The following DNAAF10 variants were observed in gnomAD, a reference collection of about 807,000 sequenced individuals.
The protein encoded by DNAAF10 is dynein axonemal assembly factor 10.
Under a neutral mutation model 43.7 loss-of-function variants are expected in DNAAF10, and 28 were observed. The ratio of observed to expected loss-of-function variants is 0.64; its 90% CI spans 0.48 to 0.88. DNAAF10 has a LOEUF of 0.88. DNAAF10 is among the 40% of genes least tolerant of loss of function. The probability of loss-of-function intolerance (pLI) is 0.00; values close to 1 mark genes in which losing one functional copy is unlikely to be tolerated. For synonymous variants in DNAAF10, 156 were observed against 157.3 expected (o/e 0.99, Z 0.06); for missense variants, 403 against 439.1 (o/e 0.92, Z 0.73).
intron 2 of DNAAF10, 148 bp downstream of exon 2, chr2:68,147,319 A>G (rs1673341352): frequency 1.8e-6 from 1 of 570,790 alleles, no homozygotes; most frequent in Non-Finnish European, 3.0e-6. Context: ...CTAGAAATAT[A>G]TATTAGAGAC....
intron 7 of DNAAF10, chr2:68,134,201 G>A (rs558129369): frequency 5.5e-5 from 54 of 986,544 alleles, no homozygotes; most frequent in Middle Eastern, 5.2e-4. Flanking sequence ...TGATGTTAGC[G>A]CCCTTGGGAT....
Position 68,157,351 on chromosome 2 carries a change from G to C in DNAAF10, c.93C>G (p.Ala31=). The C allele has an allele frequency of 1.2e-6, 2 of 1,614,202 alleles. No individual in the cohort carries two copies. Among genetic ancestry groups the C allele is most frequent in the Non-Finnish European group, 1.7e-6 (2 of 1,180,034 alleles). ...CGAAGTTGCCCATGGTCACAAATTT[G>C]GCGCTGCAGGGCACCCACTTACAGT... ...VFDCKWVPCS[A]KFVTMGNFAR... is the part of the protein sequence containing the mutation. The change falls in exon 1 of 8, where the codon GCC becomes GCG. Residue 31 remains alanine, a synonymous_variant. Coordinates refer to ENST00000295121, the MANE Select transcript of DNAAF10 (RefSeq NM_138458.4).
intron 7 of DNAAF10, chr2:68,134,058 ATAAAG>A (rs1439273718): frequency 6.8e-6 from 6 of 883,536 alleles, no homozygotes; most frequent in Non-Finnish European, 8.1e-6. Flanking sequence ...TGCTTAGCTA[ATAAAG>A]TATTCAGAAA....
At chr2:68,144,773 G>C in intron 2 of DNAAF10, 58 bp from the exon 3 acceptor site, 2 of 1,540,748 alleles carry the variant, frequency 1.3e-6, no homozygotes, top group Non-Finnish European at 1.7e-6. Context: ...GTCTACTACT[G>C]AAATTCAAAA....
chr2:68,148,544 G>A (rs770239848), intron 1 of DNAAF10, among the ~76,000 whole-genome samples: 11 of 151,386 alleles, frequency 7.3e-5, no homozygotes, highest in Admixed American at 5.9e-4. Flanking sequence ...GGCCCCTCCC[G>A]CCGCCAACTC....
chr2:68,138,789 C>A lies in DNAAF10; in HGVS notation c.586G>T (p.Asp196Tyr), dbSNP rs1558608085. 5 of 1,614,102 alleles carry A rather than the reference C, an allele frequency of 3.1e-6. No homozygotes were observed. The highest frequency in any genetic ancestry group is 4.2e-6 in the Non-Finnish European group (5 of 1,179,988). ...CACCGTAATGCCATATTTCTGAGAT[C>A]AAATAGTTTGATATCCCCATTGTCA... ...GYDNGDIKLF[D>Y]LRNMALRWET... The change falls in exon 5 of 8, where the codon GAT (aspartate) becomes TAT (tyrosine). Residue 196 changes from aspartate (D) to tyrosine (Y), a missense_variant. Transcript: ENST00000295121.
intron 7 of DNAAF10, among the ~76,000 whole-genome samples, chr2:68,132,559 A>G (rs1235273069): frequency 6.6e-6 from 1 of 151,344 alleles, no homozygotes; most frequent in East Asian, 1.9e-4. Context: ...TGATTCAAAT[A>G]CTTGGAAAAA....
intron 1 of DNAAF10, chr2:68,157,043 G>A (rs1673638437): frequency 1.5e-6 from 1 of 657,286 alleles, no homozygotes; most frequent in African/African-American, 1.8e-5. Flanking sequence ...CTGCACTGGG[G>A]GTGGCAGGAC....
intron 1 of DNAAF10, among the ~76,000 whole-genome samples, chr2:68,151,210 T>A (rs898963591): frequency 4.6e-5 from 7 of 152,350 alleles, no homozygotes; most frequent in Non-Finnish European, 1.0e-4. Flanking sequence ...GTCTTGTGTG[T>A]GTGACTTCAT....
intron 6 of DNAAF10, 26 bp downstream of exon 6, chr2:68,137,273 T>C (rs1673066165): frequency 1.3e-6 from 2 of 1,598,252 alleles, no homozygotes; most frequent in Non-Finnish European, 1.7e-6. Flanking sequence ...TTCTTCTTCA[T>C]AGAAAGACAT....
intron 7 of DNAAF10, chr2:68,131,784 T>C (rs1332419745): frequency 4.6e-6 from 1 of 217,050 alleles, no homozygotes; most frequent in African/African-American, 2.3e-5. Context: ...AATCTTTTAT[T>C]TATTGTAATT....
intron 6 of DNAAF10, among the ~76,000 whole-genome samples, chr2:68,135,726 C>A (rs1219477724): frequency 1.3e-5 from 2 of 152,196 alleles, no homozygotes; most frequent in African/African-American, 2.4e-5. Context: ...TCTCAAAACA[C>A]ACATTTTGAG....
chr2:68,150,153 T>A (rs1673418202), intron 1 of DNAAF10, among the ~76,000 whole-genome samples: 1 of 152,166 alleles, frequency 6.6e-6, no homozygotes, highest in Non-Finnish European at 1.5e-5. Flanking sequence ...TTTGGTTCCC[T>A]ACAGTCTTCT....
chr2:68,139,938 T>C (rs1347779226), intron 4 of DNAAF10, among the ~76,000 whole-genome samples: 2 of 152,210 alleles, frequency 1.3e-5, no homozygotes, highest in Non-Finnish European at 1.5e-5. Context: ...AGTAACTATA[T>C]TTGAATGCAA....
intron 7 of DNAAF10, 27 bp from the exon 8 acceptor site, chr2:68,131,472 G>T: frequency 6.2e-7 from 1 of 1,606,398 alleles, no homozygotes; most frequent in Non-Finnish European, 8.5e-7. Context: ...AATGGTAAGA[G>T]CGCATAAATC....
chr2:68,153,403 G>C (rs2103639478), intron 1 of DNAAF10, among the ~76,000 whole-genome samples: 1 of 149,696 alleles, frequency 6.7e-6, no homozygotes, highest in African/African-American at 2.5e-5. Context: ...ATGACTTAAG[G>C]GTAGATCTAC....
intron 1 of DNAAF10, among the ~76,000 whole-genome samples, chr2:68,154,759 C>G (rs762230370): frequency 1.3e-5 from 2 of 152,024 alleles, no homozygotes; most frequent in Non-Finnish European, 2.9e-5. Context: ...GAAATACATA[C>G]AAATCATATA....
intron 1 of DNAAF10, among the ~76,000 whole-genome samples, chr2:68,148,734 T>C (rs1381971384): frequency 6.6e-6 from 1 of 152,236 alleles, no homozygotes; most frequent in East Asian, 1.9e-4. Flanking sequence ...CTATTCCTCT[T>C]GGTCTCTAAC....
intron 1 of DNAAF10, among the ~76,000 whole-genome samples, chr2:68,148,955 G>A (rs1468384406): frequency 6.6e-6 from 1 of 152,098 alleles, no homozygotes; most frequent in East Asian, 1.9e-4. Context: ...CCTTTGATGT[G>A]TTTCACTTAA....
Sources: gnomAD v4.1 joint callset for allele counts (sites outside exome capture counted in the v4.1 genomes callset) on GRCh38, gnomAD v4.1.1 for gene constraint, MANE v1.5 for transcripts, NCBI Gene and HGNC (gene_info 2026-07-23, HGNC 2026-07-21) for gene names.